RASSF8: variants seen among roughly 807,000 people sequenced by gnomAD.
The protein encoded by RASSF8 is Ras association domain family member 8.
Under a neutral mutation model 48.5 loss-of-function variants are expected in RASSF8, and 22 were observed. The ratio of observed to expected loss-of-function variants is 0.45; its 90% CI spans 0.32 to 0.65. The LOEUF (loss-of-function observed/expected upper bound fraction) is 0.65, where lower values mean the gene tolerates loss of function less well. Ranked by LOEUF, RASSF8 falls within the 30% of genes least tolerant of loss-of-function variation. The pLI is 0.03. For missense variants in RASSF8, 418 were observed against 489.2 expected, an observed-to-expected ratio of 0.85 and a Z score of 1.37; for synonymous variants, 127 against 171.5, an observed-to-expected ratio of 0.74 and a Z score of 2.03.
intron 3 of RASSF8, among the ~76,000 whole-genome samples, chr12:26,062,007 T>C (rs558170123): frequency 1.4e-4 from 21 of 152,216 alleles, no homozygotes; most frequent in Non-Finnish European, 2.2e-4. Context: ...TATTTTTAAT[T>C]ATGAATAAAT....
At chr12:25,973,851 T>C (rs1172003310) in intron 1 of RASSF8, 1 of 152,204 alleles carries the variant, frequency 6.6e-6, no homozygotes, top group Non-Finnish European at 1.5e-5. Context: ...AACTTCCCAG[T>C]CTCCAGAACT....
Position 26,064,868 on chromosome 12 carries a change from C to T in RASSF8, c.474C>T (p.Asn158=), listed in dbSNP as rs755788183. The change falls in exon 4 of 6, where the codon AAC becomes AAT. Residue 158 remains asparagine (N), a synonymous_variant. Coordinates refer to ENST00000689635, the MANE Select transcript of RASSF8 (RefSeq NM_001394098.1). ...ETEFKQKVLN[N]CKTTADELKK... ...AGTTTAAGCAAAAGGTGCTGAATAACTGCAAAACAACAGCAGATGAGTTGA... is the reference window on the plus strand; with the variant it reads ...AGTTTAAGCAAAAGGTGCTGAATAATTGCAAAACAACAGCAGATGAGTTGA... 1 of 1,614,076 alleles carries T rather than the reference C, an allele frequency of 6.2e-7. No homozygotes were observed.
intron 3 of RASSF8, 126 bp downstream of exon 3, chr12:26,055,572 T>A: frequency 5.0e-6 from 4 of 793,586 alleles, no homozygotes; most frequent in Non-Finnish European, 8.5e-6. Context: ...TCACAGGCAC[T>A]CTTGTACTTA....
intron 2 of RASSF8, among the ~76,000 whole-genome samples, chr12:26,010,114 T>C (rs1942487446): frequency 6.6e-6 from 1 of 152,228 alleles, no homozygotes; most frequent in Admixed American, 6.5e-5. Context: ...GGCCCAGGAA[T>C]GGCTAACCAA....
Position 26,069,973 on chromosome 12 carries a change from C to T in RASSF8, c.*1155C>T. ...TACAAGACATTAATCTCCATTTGTA[C>T]ATATGTTATTTTATTTGTAAAACCA... On this transcript the variant is annotated 3_prime_UTR_variant, in exon 6 of 6. Coordinates refer to ENST00000689635, the MANE Select transcript of RASSF8 (RefSeq NM_001394098.1). 2.1e-6 allele frequency: 2 copies of T among 974,076 alleles called. No individual in the cohort carries two copies. Among genetic ancestry groups the T allele is most frequent in the Non-Finnish European group, 2.4e-6 (2 of 819,662 alleles). The allele number at this position is 974,076 out of a possible 1,614,324, so 60.3% of individuals were successfully genotyped here.
chr12:25,993,027 A>G (rs1156477358), intron 1 of RASSF8, among the ~76,000 whole-genome samples: 3 of 152,124 alleles, frequency 2.0e-5, no homozygotes, highest in Admixed American at 2.0e-4. Context: ...GGTTGTAGGA[A>G]TCAATGGGGA....
downstream of RASSF8, among the ~76,000 whole-genome samples, chr12:26,073,671 G>A (rs557430597): frequency 8.6e-5 from 13 of 151,658 alleles, no homozygotes; most frequent in South Asian, 2.3e-3. Context: ...CCCGGGAGGC[G>A]GAGGTTGGAG....
intron 2 of RASSF8, among the ~76,000 whole-genome samples, chr12:26,042,289 A>G (rs16929938): frequency 0.039 from 5,889 of 152,222 alleles, 145 homozygotes; most frequent in African/African-American, 0.066. Context: ...AGGCCTATCT[A>G]TGGGTCTGGG....
chr12:25,965,363 CTTTT>C (rs11420016), intron 1 of RASSF8, among the ~76,000 whole-genome samples: 3 of 116,874 alleles, frequency 2.6e-5, no homozygotes, highest in Admixed American at 9.7e-5. Flanking sequence ...TCCCAAATTT[CTTTT>C]TTTTTTTTTT....
Position 25,965,367 on chromosome 12 carries a change from T to C in RASSF8, c.-203+6219T>C, listed in dbSNP as rs544326747. On this transcript the variant is annotated intron_variant, in intron 1 of 5. Coordinates refer to ENST00000689635, the MANE Select transcript of RASSF8 (RefSeq NM_001394098.1). ...CCACATCACTTTCCCAAATTTCTTT[T>C]TTTTTTTTTTTTTTTTGAGACAGGG... Among the ~76,000 whole-genome samples, 26 of 145,544 alleles carry C rather than the reference T, an allele frequency of 1.8e-4. No homozygotes were observed. In the East Asian group the frequency reaches 3.2e-3, roughly 18 times the overall value.
chr12:25,959,490 TA>T (rs1367850020), intron 1 of RASSF8: 1 of 152,272 alleles, frequency 6.6e-6, no homozygotes. Context: ...GTTTTTAAAA[TA>T]TTTTTTCCTC....
intron 2 of RASSF8, among the ~76,000 whole-genome samples, chr12:26,019,854 T>A (rs948046217): frequency 5.9e-5 from 9 of 152,098 alleles, no homozygotes; most frequent in African/African-American, 2.2e-4. Context: ...AATTCTCTTA[T>A]AAGGGGGAAT....
intron 2 of RASSF8, among the ~76,000 whole-genome samples, chr12:26,019,159 T>G (rs1484259371): frequency 6.6e-6 from 1 of 152,150 alleles, no homozygotes; most frequent in Non-Finnish European, 1.5e-5. Flanking sequence ...CAGTACAGAG[T>G]ATACTCTATT....
Position 26,069,114 on chromosome 12 carries a change from C to T in RASSF8, c.*296C>T, listed in dbSNP as rs1943946720. 4 of 1,006,374 alleles carry T rather than the reference C, an allele frequency of 4.0e-6. No individual in the cohort carries two copies. The highest frequency in any genetic ancestry group is 4.7e-6 in the Non-Finnish European group (4 of 843,804). 62.3% of individuals were successfully genotyped at this position (1,006,374 alleles called of 1,614,324 possible). A position where few individuals can be genotyped will look rare whatever the true frequency, so the allele number is the denominator to read the frequency against. ...AGGAAAGTATTATATAGTGTGTATA[C>T]ATAAATAAGCCGTGACTTAAGTAAG... On this transcript the variant is annotated 3_prime_UTR_variant, in exon 6 of 6. Transcript: ENST00000689635.
chr12:26,036,150 C>T (rs1317686891), intron 2 of RASSF8, among the ~76,000 whole-genome samples: 1 of 151,740 alleles, frequency 6.6e-6, no homozygotes, highest in Non-Finnish European at 1.5e-5. Flanking sequence ...TATTAATCTA[C>T]ATCTGGGCCT....
At chr12:26,018,641 C>T (rs1942711383) in intron 2 of RASSF8, among the ~76,000 whole-genome samples, 1 of 151,984 alleles carries the variant, frequency 6.6e-6, no homozygotes, top group South Asian at 2.1e-4. Context: ...GTAGGTGACC[C>T]TATGTTGTTC....
rs184506569 is a variant in RASSF8 at position 26,014,572 on chromosome 12, T to A, written c.-109+19442T>A. On this transcript the variant is annotated intron_variant, in intron 2 of 5. Transcript: ENST00000689635. ...AGCATGTAAAAGTCTCCATGTCAAA[T>A]TTTTTTTCAGGTTGATTACTGATTC... Among the ~76,000 whole-genome samples the A allele has an allele frequency of 5.8e-3, 890 of 152,230 alleles. 9 individuals carry two copies. Among genetic ancestry groups the A allele is most frequent in the African/African-American group, 0.02 (849 of 41,554 alleles).
At chr12:26,004,697 A>G (rs1211173237) in intron 2 of RASSF8, among the ~76,000 whole-genome samples, 1 of 151,686 alleles carries the variant, frequency 6.6e-6, no homozygotes, top group Non-Finnish European at 1.5e-5. Flanking sequence ...AAAGGTCTTC[A>G]TGTTGAGTAG....
At chr12:26,051,880 G>A (rs1943498449) in intron 2 of RASSF8, among the ~76,000 whole-genome samples, 1 of 152,124 alleles carries the variant, frequency 6.6e-6, no homozygotes, top group African/African-American at 2.4e-5. Context: ...TAATATATAT[G>A]TTTTCCCCAT....
Sources: gnomAD v4.1 joint callset for allele counts (sites outside exome capture counted in the v4.1 genomes callset) on GRCh38, gnomAD v4.1.1 for gene constraint, MANE v1.5 for transcripts, NCBI Gene and HGNC (gene_info 2026-07-23, HGNC 2026-07-21) for gene names.